The following CNTNAP2 variants were observed in gnomAD, a reference collection of about 807,000 sequenced individuals.
CNTNAP2 encodes contactin-associated protein-like 2.
In CNTNAP2, 98 loss-of-function variants were observed where a neutral mutation model predicts 155.2. That is an observed-to-expected ratio of 0.63 (90% CI 0.54 to 0.75). CNTNAP2 has a LOEUF of 0.75. CNTNAP2 is among the 30% of genes least tolerant of loss of function. The probability of loss-of-function intolerance (pLI) is 0.00; values close to 1 mark genes in which losing one functional copy is unlikely to be tolerated. For missense variants in CNTNAP2, 1,727 were observed against 1,688.1 expected, an observed-to-expected ratio of 1.02 and a Z score of -0.40; for synonymous variants, 651 against 631.2, an observed-to-expected ratio of 1.03 and a Z score of -0.47.
intron 1 of CNTNAP2, among the ~76,000 whole-genome samples, chr7:146,608,501 T>G (rs1351989601): frequency 6.6e-6 from 1 of 152,194 alleles, no homozygotes; most frequent in East Asian, 1.9e-4. Flanking sequence ...ATTACATGCT[T>G]CAGTGAAGCA....
At chr7:147,666,476 A>T (rs1391998251) in intron 13 of CNTNAP2, among the ~76,000 whole-genome samples, 4 of 152,244 alleles carry the variant, frequency 2.6e-5, no homozygotes, top group Non-Finnish European at 4.4e-5. Context: ...TACAAGCAGT[A>T]TATAATGCTT....
At chr7:147,405,693 TAGAA>T (rs1796994601) in intron 10 of CNTNAP2, among the ~76,000 whole-genome samples, 1 of 152,166 alleles carries the variant, frequency 6.6e-6, no homozygotes, top group African/African-American at 2.4e-5. Context: ...GTAAAAGTTT[TAGAA>T]AGACAAGTGG....
intron 14 of CNTNAP2, among the ~76,000 whole-genome samples, chr7:147,922,105 A>T (rs1285569756): frequency 6.6e-6 from 1 of 152,260 alleles, no homozygotes; most frequent in African/African-American, 2.4e-5. Flanking sequence ...CATTACAATA[A>T]TCACATTTAA....
chr7:148,320,535 C>T (rs973253348), intron 21 of CNTNAP2, among the ~76,000 whole-genome samples: 2 of 151,822 alleles, frequency 1.3e-5, no homozygotes, highest in Non-Finnish European at 1.5e-5. Context: ...AAGCATGCAC[C>T]ACCATACCCG....
At position 147,300,141 on chromosome 7, in the gene CNTNAP2, G is replaced by A. The variant is rs1473335811; in HGVS notation, c.1349G>A (p.Gly450Asp). Residue 450 changes from glycine to aspartate, a missense_variant and splice_region_variant, in exon 9 of 24, where the codon GGT (glycine) becomes GAT (aspartate). Coordinates refer to ENST00000361727, the MANE Select transcript of CNTNAP2 (RefSeq NM_014141.6). Reference protein sequence around the residue: ...TKMSQIDISSGSGLNDGQWHE... With the variant: ...TKMSQIDISSDSGLNDGQWHE... ...ATGACTTTTATCTTGTACTTACCAG[G>A]TTCTGGGTTGAATGATGGACAGTGG... 6.2e-7 allele frequency: 1 copy of A among 1,613,836 alleles called. No homozygotes were observed. The highest frequency in any genetic ancestry group is 1.7e-5 in the Admixed American group (1 of 59,966).
chr7:146,813,328 G>A (rs1286698727), intron 2 of CNTNAP2, among the ~76,000 whole-genome samples: 2 of 152,142 alleles, frequency 1.3e-5, no homozygotes, highest in Admixed American at 6.5e-5. Context: ...AGTCACAGGG[G>A]CGGAGCTCCT....
At chr7:147,261,694 A>G (rs1169056872) in intron 8 of CNTNAP2, among the ~76,000 whole-genome samples, 1 of 152,206 alleles carries the variant, frequency 6.6e-6, no homozygotes, top group Non-Finnish European at 1.5e-5. Context: ...AAAATAAAAA[A>G]TCCATGAATA....
intron 1 of CNTNAP2, among the ~76,000 whole-genome samples, chr7:146,295,169 TC>T (rs892511464): frequency 1.3e-5 from 2 of 152,272 alleles, no homozygotes; most frequent in African/African-American, 4.8e-5. Flanking sequence ...ACGTGTACTA[TC>T]ATGTACTATG....
chr7:146,377,690 G>T (rs1379986923), intron 1 of CNTNAP2, among the ~76,000 whole-genome samples: 1 of 152,110 alleles, frequency 6.6e-6, no homozygotes, highest in African/African-American at 2.4e-5. Context: ...CTACCCAGTT[G>T]CTCAAATTAA....
intron 16 of CNTNAP2, among the ~76,000 whole-genome samples, chr7:148,135,141 C>CA (rs1011830630): frequency 1.3e-5 from 2 of 151,864 alleles, no homozygotes; most frequent in Admixed American, 1.3e-4. Flanking sequence ...AAAGAAAACC[C>CA]AAAAATAGCT....
chr7:147,509,476 T>C (rs769213462), intron 11 of CNTNAP2, among the ~76,000 whole-genome samples: 1 of 152,166 alleles, frequency 6.6e-6, no homozygotes, highest in Non-Finnish European at 1.5e-5. Flanking sequence ...GGAAAGCAGC[T>C]GGACTTGGGT....
At chr7:146,607,604 G>T (rs924541375) in intron 1 of CNTNAP2, among the ~76,000 whole-genome samples, 1 of 151,872 alleles carries the variant, frequency 6.6e-6, no homozygotes, top group Non-Finnish European at 1.5e-5. Flanking sequence ...AGCCTGCCAA[G>T]TAGCTGGGAT....
intron 16 of CNTNAP2, among the ~76,000 whole-genome samples, chr7:148,122,315 G>T (rs771094844): frequency 6.6e-6 from 1 of 152,194 alleles, no homozygotes; most frequent in Non-Finnish European, 1.5e-5. Flanking sequence ...GAAAGAGGCC[G>T]GGAGCACTGA....
At chr7:147,096,183 T>C (rs1800528313) in intron 4 of CNTNAP2, among the ~76,000 whole-genome samples, 1 of 152,220 alleles carries the variant, frequency 6.6e-6, no homozygotes, top group Non-Finnish European at 1.5e-5. Flanking sequence ...CATGAAGTCT[T>C]GTATTTGACA....
At chr7:146,923,791 G>A (rs545581969) in intron 3 of CNTNAP2, among the ~76,000 whole-genome samples, 31 of 152,180 alleles carry the variant, frequency 2.0e-4, no homozygotes, top group African/African-American at 7.5e-4. Flanking sequence ...TATGCACCAA[G>A]CTCATTTATT....
intron 10 of CNTNAP2, among the ~76,000 whole-genome samples, chr7:147,433,312 C>G (rs892073986): frequency 1.3e-5 from 2 of 152,194 alleles, no homozygotes; most frequent in African/African-American, 4.8e-5. Context: ...TTATTTTTCT[C>G]TACCTCACAA....
chr7:148,380,867 A>T (rs1194243808), intron 21 of CNTNAP2, among the ~76,000 whole-genome samples: 1 of 152,174 alleles, frequency 6.6e-6, no homozygotes, highest in African/African-American at 2.4e-5. Context: ...GCTTTGTGGG[A>T]CTTGCAACAG....
chr7:148,318,851 C>A (rs1022673638), intron 21 of CNTNAP2, among the ~76,000 whole-genome samples: 1 of 152,196 alleles, frequency 6.6e-6, no homozygotes, highest in Non-Finnish European at 1.5e-5. Context: ...CTCTCTTTCT[C>A]TGCAATGGAA....
rs981322462 is a variant in CNTNAP2 at position 146,935,294 on chromosome 7, A to G, written c.402+95390A>G. Among the ~76,000 whole-genome samples, 7 of 152,172 alleles carry G rather than the reference A, an allele frequency of 4.6e-5. No homozygotes were observed. In the East Asian group the frequency reaches 1.3e-3, roughly 29 times the overall value. ...AAATGAAAAGAGGTCTTCTGTGTGC[A>G]CTTACTGGGTATACTTTTACTTGTG... is the stretch of plus-strand genomic sequence containing the variant. On this transcript the variant is annotated intron_variant, in intron 3 of 23. Transcript: ENST00000361727.
Sources: gnomAD v4.1 joint callset for allele counts (sites outside exome capture counted in the v4.1 genomes callset) on GRCh38, gnomAD v4.1.1 for gene constraint, MANE v1.5 for transcripts, NCBI Gene and HGNC (gene_info 2026-07-23, HGNC 2026-07-21) for gene names.